Variants in RASGRF1 observed in about 807,000 individuals in gnomAD.
RASGRF1 encodes Ras protein specific guanine nucleotide releasing factor 1, also known as ras-specific guanine nucleotide-releasing factor 1.
RASGRF1 carries 40 observed loss-of-function variants against 138.7 expected under a neutral mutation model. The observed-to-expected ratio is 0.29, with a 90% CI of 0.22 to 0.38. The LOEUF (loss-of-function observed/expected upper bound fraction) is 0.38, where lower values mean the gene tolerates loss of function less well. Among genes scored for constraint, RASGRF1 ranks in the 10% least tolerant of loss-of-function variants. RASGRF1 has a pLI of 1.00. For synonymous variants in RASGRF1, 614 were observed against 663.2 expected, an observed-to-expected ratio of 0.93 and a Z score of 1.14; for missense variants, 1,108 against 1,650.4, an observed-to-expected ratio of 0.67 and a Z score of 5.69.
intron 1 of RASGRF1, among the ~76,000 whole-genome samples, chr15:79,076,911 T>C (rs1391751455): frequency 1.3e-5 from 2 of 152,180 alleles, no homozygotes. Flanking sequence ...TGAATGCGTT[T>C]GTCACCACTG....
In RASGRF1 at chr15:79,001,644, T is replaced by C. The variant is rs1158206560; in HGVS notation, c.2575+18A>G. ...CAAACTGGAAATCTATTTGTGGTTT[T>C]GAATTGGTGCATTGTACCTGAAGAA... is the stretch of plus-strand genomic sequence containing the variant. On this transcript the variant is annotated intron_variant, in intron 16 of 26. Coordinates refer to ENST00000558480, the MANE Select transcript of RASGRF1 (RefSeq NM_001145648.3). 2 of 1,612,696 alleles carry C rather than the reference T, an allele frequency of 1.2e-6. No homozygotes were observed. The highest frequency in any genetic ancestry group is 1.3e-5 in the African/African-American group (1 of 75,006).
chr15:78,966,664 A>G (rs1288311860), intron 26 of RASGRF1, among the ~76,000 whole-genome samples: 1 of 152,166 alleles, frequency 6.6e-6, no homozygotes, highest in African/African-American at 2.4e-5. Context: ...AAGTAGCATT[A>G]AACGGTTCAT....
intron 15 of RASGRF1, among the ~76,000 whole-genome samples, chr15:79,002,213 G>A (rs2056545815): frequency 3.3e-5 from 5 of 151,910 alleles, no homozygotes; most frequent in Admixed American, 2.6e-4. Context: ...GTGACCATCT[G>A]CTCCAGTTTT....
chr15:79,048,334 G>A (rs2057382729), intron 4 of RASGRF1, among the ~76,000 whole-genome samples: 1 of 152,042 alleles, frequency 6.6e-6, no homozygotes, highest in African/African-American at 2.4e-5. Flanking sequence ...GCCTGGGGCT[G>A]CTGGGCCTTC....
intron 2 of RASGRF1, among the ~76,000 whole-genome samples, chr15:79,059,257 C>CCCTTCCCTTCCCTTCCCTAT (rs1567594597): frequency 1.1e-3 from 50 of 46,714 alleles, no homozygotes; most frequent in African/African-American, 1.4e-3. Context: ...CCCTATCCTT[C>CCCTTCCCTTCCCTTCCCTAT]CCTTCCCTTC....
chr15:78,968,537 T>G (rs2055690187), intron 26 of RASGRF1, among the ~76,000 whole-genome samples: 1 of 152,004 alleles, frequency 6.6e-6, no homozygotes, highest in South Asian at 2.1e-4. Flanking sequence ...CCTACCTCAG[T>G]CTCCTGAAGT....
chr15:79,065,364 T>C (rs1057269386), intron 1 of RASGRF1, among the ~76,000 whole-genome samples: 1 of 149,136 alleles, frequency 6.7e-6, no homozygotes. Flanking sequence ...CCAGAGCTCA[T>C]AGCATATTTG....
intron 1 of RASGRF1, among the ~76,000 whole-genome samples, chr15:79,086,586 CCA>C (rs1555408800): frequency 1.4e-5 from 2 of 146,110 alleles, no homozygotes; most frequent in Non-Finnish European, 3.0e-5. Context: ...CCCCCCCCCC[CCA>C]GCTTCTGGGA....
chr15:79,046,481 T>G lies in RASGRF1; in HGVS notation c.878+265A>C, dbSNP rs894435691. On this transcript the variant is annotated intron_variant, in intron 5 of 26. Coordinates refer to ENST00000558480, the MANE Select transcript of RASGRF1 (RefSeq NM_001145648.3). This position sits in a 1 kb window ranked among gnomAD's most constrained non-coding sequence, Gnocchi z 5.3. ...AATCAACAATGTTTCCAAACATTCCTAAGTGTTCCCCACGGAGCAAAACTG... is the reference window on the plus strand; with the variant it reads ...AATCAACAATGTTTCCAAACATTCCGAAGTGTTCCCCACGGAGCAAAACTG... 1.3e-5 allele frequency among the ~76,000 whole-genome samples: 2 copies of G among 152,228 alleles called. No individual in the cohort carries two copies. The highest frequency in any genetic ancestry group is 4.8e-5 in the African/African-American group (2 of 41,464).
chr15:79,077,100 T>C (rs2057843298), intron 1 of RASGRF1, among the ~76,000 whole-genome samples: 1 of 152,174 alleles, frequency 6.6e-6, no homozygotes, highest in Non-Finnish European at 1.5e-5. Context: ...AGTCCTTCCA[T>C]AAGGAGCCTT....
chr15:78,985,237 A>T (rs1262757610), intron 22 of RASGRF1, 33 bp from the exon 23 acceptor site: 13 of 1,522,168 alleles, frequency 8.5e-6, no homozygotes, highest in Non-Finnish European at 1.2e-5. Context: ...AGGGAAAAAG[A>T]GGAGTAAGTA....
chr15:79,058,834 G>T (rs894784), intron 2 of RASGRF1, among the ~76,000 whole-genome samples: 88,183 of 152,120 alleles, frequency 0.58, 26,432 homozygotes, highest in East Asian at 0.9. Flanking sequence ...GTGCTTCTGT[G>T]ATGAAAATGA....
chr15:78,991,138 T>C (rs758436097), intron 21 of RASGRF1, among the ~76,000 whole-genome samples: 1 of 152,244 alleles, frequency 6.6e-6, no homozygotes, highest in Non-Finnish European at 1.5e-5. Flanking sequence ...TAACACACTG[T>C]TAGAGAATGC....
intron 1 of RASGRF1, among the ~76,000 whole-genome samples, chr15:79,072,240 G>A (rs1328458358): frequency 9.5e-6 from 1 of 105,166 alleles, no homozygotes; most frequent in East Asian, 3.5e-4. Flanking sequence ...GCAGTTAGGG[G>A]GTTTCTGGGA....
chr15:78,990,505 T>A (rs145327616), intron 21 of RASGRF1, among the ~76,000 whole-genome samples: 1 of 152,192 alleles, frequency 6.6e-6, no homozygotes, highest in Non-Finnish European at 1.5e-5. Context: ...AGTTTCCTTA[T>A]CTGTAAAATG....
rs568330652 is a variant in RASGRF1 at position 79,019,977 on chromosome 15, T to G, written c.1606+64A>C. On this transcript the variant is annotated intron_variant, in intron 11 of 26. Transcript: ENST00000558480. ...AGAAACTAATGCCTGGCCCAACCTT[T>G]AGGAGTGAGCGTGTGTGTATCTGTG... is the stretch of plus-strand genomic sequence containing the variant. 6.2e-4 allele frequency: 983 copies of G among 1,588,610 alleles called. 2 individuals are homozygous for G. The highest frequency in any genetic ancestry group is 7.3e-4 in the Non-Finnish European group (851 of 1,160,324).
rs1595907084 is a variant in RASGRF1 at position 79,017,757 on chromosome 15, T to G, written c.1743+13A>C. The stretch of plus-strand genomic sequence containing the variant: ...GGGACCACTCGCTTTCAGGAACAGG[T>G]GACGCTACTCACCTGGCTGATGTCA... On this transcript the variant is annotated intron_variant, in intron 12 of 26. Coordinates refer to ENST00000558480, the MANE Select transcript of RASGRF1 (RefSeq NM_001145648.3). 1.3e-6 allele frequency: 2 copies of G among 1,594,224 alleles called. No homozygotes were observed. Among genetic ancestry groups the G allele is most frequent in the South Asian group, 1.1e-5 (1 of 88,298 alleles).
chr15:79,027,629 G>T lies in RASGRF1; in HGVS notation c.1381+112C>A. 1 of 863,592 alleles carries T rather than the reference G, an allele frequency of 1.2e-6. No individual in the cohort carries two copies. Among genetic ancestry groups the T allele is most frequent in the South Asian group, 1.6e-5 (1 of 64,264 alleles). 53.5% of individuals were successfully genotyped at this position (863,592 alleles called of 1,614,324 possible). ...GGAATATTCTGCAATCACATTGGCA[G>T]GTCTTGGCATGTGGCAGCCAAACCA... On this transcript the variant is annotated intron_variant, in intron 9 of 26. Coordinates refer to ENST00000558480, the MANE Select transcript of RASGRF1 (RefSeq NM_001145648.3). The surrounding 1 kb of genome is among the most constrained non-coding windows in gnomAD (Gnocchi z 4.8).
At chr15:79,082,362 C>T (rs555084491) in intron 1 of RASGRF1, among the ~76,000 whole-genome samples, 73 of 152,322 alleles carry the variant, frequency 4.8e-4, no homozygotes, top group African/African-American at 1.5e-3. Flanking sequence ...TGTCACACTC[C>T]TTCCCCTCAG....
Sources: gnomAD v4.1 joint callset for allele counts (sites outside exome capture counted in the v4.1 genomes callset) on GRCh38, gnomAD v4.1.1 for gene constraint, Gnocchi (gnomAD v3.1) non-coding constraint, MANE v1.5 for transcripts, NCBI Gene and HGNC (gene_info 2026-07-23, HGNC 2026-07-21) for gene names.